The following NAT16 variants were observed in gnomAD, a reference collection of about 807,000 sequenced individuals.
NAT16 encodes probable N-acetyltransferase 16.
Under a neutral mutation model 15.9 loss-of-function variants are expected in NAT16, and 16 were observed. The ratio of observed to expected loss-of-function variants is 1.01; its 90% CI spans 0.68 to 1.53. The LOEUF is 1.53. Among genes scored for constraint, NAT16 ranks in the 40% most tolerant of loss-of-function variants. NAT16 has a pLI of 0.00. For synonymous variants in NAT16, 260 were observed against 241.9 expected (o/e 1.07, Z -0.69); for missense variants, 572 against 508.4 (o/e 1.13, Z -1.20).
Position 101,172,723 on chromosome 7 carries a change from G to T in NAT16, c.538-72C>A, listed in dbSNP as rs1021347897. On this transcript the variant is annotated intron_variant, in intron 3 of 3. Transcript: ENST00000300303. This position sits in a 1 kb window ranked among gnomAD's most constrained non-coding sequence, Gnocchi z 4.2. ...TGGCGAGCCCGGCGCCTCTCGGCAG[G>T]CATCTTCACTCCCACGTTCACGCCC... is the stretch of plus-strand genomic sequence containing the variant. 3 of 1,218,392 alleles carry T rather than the reference G, an allele frequency of 2.5e-6. No homozygotes were observed. The highest frequency in any genetic ancestry group is 3.2e-5 in the African/African-American group (2 of 61,952). The allele number at this position is 1,218,392 out of a possible 1,614,324, so 75.5% of individuals were successfully genotyped here.
chr7:101,174,255 C>T (rs1445064855), intron 2 of NAT16: 3 of 537,832 alleles, frequency 5.6e-6, no homozygotes, highest in African/African-American at 1.9e-5. Context: ...GGTGGATCCT[C>T]GAACTTTCAA....
rs34778981 is a variant in NAT16 at position 101,175,921 on chromosome 7, CAAA to C, written c.-4-1113_-4-1111del. Among the ~76,000 whole-genome samples the C allele has an allele frequency of 6.9e-3, 1,002 of 144,528 alleles. 4 individuals are homozygous for C. The highest frequency in any genetic ancestry group is 0.019 in the African/African-American group (733 of 39,062). The allele number at this position is 144,528 out of a possible 152,430, so 94.8% of individuals were successfully genotyped here. A position where few individuals can be genotyped will look rare whatever the true frequency, so the allele number is the denominator to read the frequency against. Reference sequence around the variant, plus strand: ...TGTGTGACAGAGAGAGAACCTGTGTCAAAAAAAAAAAAAAAGAGGCACACTCCT... The same window carrying C: ...TGTGTGACAGAGAGAGAACCTGTGTCAAAAAAAAAAAAGAGGCACACTCCT... On this transcript the variant is annotated intron_variant, in intron 1 of 3. Transcript: ENST00000300303.
rs778653283 is a variant in NAT16, at chr7:101,172,680, G to T, written c.538-29C>A. 1.0e-5 allele frequency: 15 copies of T among 1,440,158 alleles called. No homozygotes were observed. The highest frequency in any genetic ancestry group is 1.4e-5 in the South Asian group (1 of 71,608). The allele number at this position is 1,440,158 out of a possible 1,614,324, so 89.2% of individuals were successfully genotyped here. On this transcript the variant is annotated intron_variant, in intron 3 of 3. Transcript: ENST00000300303. This position sits in a 1 kb window ranked among gnomAD's most constrained non-coding sequence, Gnocchi z 4.2. ...CGGGGGGCACGAGTGAGCGCGGGGA[G>T]GGGGGGCGCAGCAGGGCTGGCGAGC...
chr7:101,173,549 C>A lies in NAT16; in HGVS notation c.313-29G>T, dbSNP rs769955282. The stretch of plus-strand genomic sequence containing the variant: ...CGGACCGAGGCCGTTAGCGCGGGGC[C>A]CTCCCCGCCTGCGCCCCTGCCAGGG... On this transcript the variant is annotated intron_variant, in intron 2 of 3. Coordinates refer to ENST00000300303, the MANE Select transcript of NAT16 (RefSeq NM_198571.3). 2.6e-6 allele frequency: 4 copies of A among 1,520,186 alleles called. No individual in the cohort carries two copies. The African/African-American group carries it at 5.5e-5, about 21-fold the overall frequency. 94.2% of individuals were successfully genotyped at this position (1,520,186 alleles called of 1,614,324 possible).
chr7:101,177,191 TCAGGTTCAACCCA>T, intron 1 of NAT16, among the ~76,000 whole-genome samples: 2 of 152,302 alleles, frequency 1.3e-5, no homozygotes, highest in South Asian at 4.1e-4. Context: ...TTAGAGACCA[TCAGGTTCAACCCA>T]TTCATTTCAT....
chr7:101,172,755 T>C lies in NAT16; in HGVS notation c.538-104A>G. ...CACTCCCACGTTCACGCCCACGGGC[T>C]CCCACCTGGGTCCCTCTGGAGGAGC... On this transcript the variant is annotated intron_variant, in intron 3 of 3. Coordinates refer to ENST00000300303, the MANE Select transcript of NAT16 (RefSeq NM_198571.3). The surrounding 1 kb of genome is among the most constrained non-coding windows in gnomAD (Gnocchi z 4.2). The C allele has an allele frequency of 1.0e-6, 1 of 957,780 alleles. No individual in the cohort carries two copies. Among genetic ancestry groups the C allele is most frequent in the East Asian group, 3.0e-5 (1 of 33,028 alleles). The allele number at this position is 957,780 out of a possible 1,614,324, so 59.3% of individuals were successfully genotyped here.
Position 101,171,350 on chromosome 7 carries a change from A to G in NAT16, c.*729T>C, listed in dbSNP as rs986241893. 83 of 152,378 alleles carry G rather than the reference A, an allele frequency of 5.4e-4. 1 individual carries two copies. The highest frequency in any genetic ancestry group is 1.7e-3 in the African/African-American group (70 of 41,568). 9.4% of individuals were successfully genotyped at this position (152,378 alleles called of 1,614,324 possible). ...CCAAATGGGGGAGCATTCTAAATACATTTCATTTTACAGTATCACTCTCTC... is the reference window on the plus strand; with the variant it reads ...CCAAATGGGGGAGCATTCTAAATACGTTTCATTTTACAGTATCACTCTCTC... On this transcript the variant is annotated 3_prime_UTR_variant, in exon 4 of 4. Coordinates refer to ENST00000300303, the MANE Select transcript of NAT16 (RefSeq NM_198571.3).
At chr7:101,173,768 G>T (rs1007175022) in intron 2 of NAT16, 5 of 520,838 alleles carry the variant, frequency 9.6e-6, no homozygotes, top group African/African-American at 8.1e-5. Context: ...TCCTCACCCA[G>T]GCTGGAGCGC....
rs374890698 is a variant in NAT16, at chr7:101,171,217, T to G, written c.*862A>C. 3.7e-3 allele frequency: 568 copies of G among 152,740 alleles called. 4 individuals carry two copies. The highest frequency in any genetic ancestry group is 0.015 in the South Asian group (75 of 4,890). 9.5% of individuals were successfully genotyped at this position (152,740 alleles called of 1,614,324 possible). On this transcript the variant is annotated 3_prime_UTR_variant, in exon 4 of 4. Coordinates refer to ENST00000300303, the MANE Select transcript of NAT16 (RefSeq NM_198571.3). ...CCACCACCACCCCGCCCGGCTCGGGTGAGCTGGGGCACGGGGGAGCCTGCG... is the reference window on the plus strand; with the variant it reads ...CCACCACCACCCCGCCCGGCTCGGGGGAGCTGGGGCACGGGGGAGCCTGCG...
At chr7:101,178,710 TAA>T (rs386410830) in intron 1 of NAT16, among the ~76,000 whole-genome samples, 216 of 72,778 alleles carry the variant, frequency 3.0e-3, no homozygotes, top group African/African-American at 0.011. Flanking sequence ...CTCTCTCTAC[TAA>T]AAAAAAAAAA....
chr7:101,178,161 A>G (rs765855551), intron 1 of NAT16, among the ~76,000 whole-genome samples: 1 of 152,170 alleles, frequency 6.6e-6, no homozygotes, highest in African/African-American at 2.4e-5. Context: ...TACGTCTCAG[A>G]TAAGGTTGTT....
At chr7:101,177,308 G>C (rs898902387) in intron 1 of NAT16, among the ~76,000 whole-genome samples, 1 of 152,110 alleles carries the variant, frequency 6.6e-6, no homozygotes, top group Non-Finnish European at 1.5e-5. Context: ...CCAGGGGGGA[G>C]ACCTCTTATT....
At position 101,172,963 on chromosome 7, in the gene NAT16, G is replaced by A. The variant is rs1797369537; in HGVS notation, c.538-312C>T. Among the ~76,000 whole-genome samples, 1 of 152,178 alleles carries A rather than the reference G, an allele frequency of 6.6e-6. No individual in the cohort carries two copies. The highest frequency in any genetic ancestry group is 2.4e-5 in the African/African-American group (1 of 41,454). ...CTCCAGGGACGTGAAAGCCAGGGAG[G>A]CCGATCAGTCAGTAGGATTGGGAGG... On this transcript the variant is annotated intron_variant, in intron 3 of 3. Transcript: ENST00000300303. This position sits in a 1 kb window ranked among gnomAD's most constrained non-coding sequence, Gnocchi z 4.2.
rs763762765 is a variant in NAT16, at chr7:101,173,515, C to T, written c.318G>A (p.Ala106=). 2 of 1,592,494 alleles carry T rather than the reference C, an allele frequency of 1.3e-6. No individual in the cohort carries two copies. Among genetic ancestry groups the T allele is most frequent in the Non-Finnish European group, 1.7e-6 (2 of 1,168,420 alleles). The change falls in exon 3 of 4, where the codon GCG becomes GCA. Residue 106 remains alanine, a synonymous_variant. Transcript: ENST00000300303. ...CGTCGATCACGTTCACCGACTCCAG[C>T]GCGATCTGCGGACCGAGGCCGTTAG... ...VLAKRNGGVI[A]LESVNVIDAG...
Position 101,174,605 on chromosome 7 carries a change from G to A in NAT16, c.203C>T (p.Ala68Val), listed in dbSNP as rs748166096. Reference protein sequence around the residue: ...ATEREFEEVLAISGGIYGGLD... With the variant: ...ATEREFEEVLVISGGIYGGLD... ...GCCGCCGTAGATGCCCCCCGAGATG[G>A]CCAGCACTTCCTCAAACTCCCGTTC... Residue 68 changes from alanine to valine, a missense_variant, in exon 2 of 4, where the codon GCC becomes GTC. Coordinates refer to ENST00000300303, the MANE Select transcript of NAT16 (RefSeq NM_198571.3). 2 of 1,614,182 alleles carry A rather than the reference G, an allele frequency of 1.2e-6. No individual in the cohort carries two copies. The highest frequency in any genetic ancestry group is 1.7e-6 in the Non-Finnish European group (2 of 1,180,036).
chr7:101,173,534 CCG>C lies in NAT16; in HGVS notation c.313-16_313-15del, dbSNP rs1797393039. ...CTCCAGCGCGATCTGCGGACCGAGG[CCG>C]TTAGCGCGGGGCCCTCCCCGCCTGC... On this transcript the variant is annotated splice_polypyrimidine_tract_variant and intron_variant, in intron 2 of 3. Transcript: ENST00000300303. 1 of 1,560,522 alleles carries C rather than the reference CCG, an allele frequency of 6.4e-7. No homozygotes were observed. The highest frequency in any genetic ancestry group is 1.8e-5 in the Admixed American group (1 of 55,924).
intron 3 of NAT16, 51 bp downstream of exon 3, chr7:101,173,245 C>A: frequency 6.6e-7 from 1 of 1,505,130 alleles, no homozygotes; most frequent in Non-Finnish European, 9.2e-7. Context: ...AGGGTCTCCC[C>A]ATATGCCCCA....
rs747798564 is a variant in NAT16 at position 101,173,392 on chromosome 7, G to T, written c.441C>A (p.Val147=). The T allele has an allele frequency of 7.4e-6, 12 of 1,613,810 alleles. No homozygotes were observed. Among genetic ancestry groups the T allele is most frequent in the Non-Finnish European group, 2.5e-6 (3 of 1,179,934 alleles). ...GLLQRFCSQL[V]KRQHPGVKVA... ...CCTTGACCCCCGGGTGCTGTCTCTTGACCAGCTGCGAGCAGAAGCGCTGCA... is the reference window on the plus strand; with the variant it reads ...CCTTGACCCCCGGGTGCTGTCTCTTTACCAGCTGCGAGCAGAAGCGCTGCA... The change falls in exon 3 of 4, where the codon GTC becomes GTA. Residue 147 remains valine (V), a synonymous_variant. Coordinates refer to ENST00000300303, the MANE Select transcript of NAT16 (RefSeq NM_198571.3).
chr7:101,174,913 C>A, intron 1 of NAT16, 102 bp from the exon 2 acceptor site: 2 of 1,268,708 alleles, frequency 1.6e-6, no homozygotes, highest in Non-Finnish European at 2.0e-6. Flanking sequence ...ACACAAATAG[C>A]CTTTCTTTTT....
Sources: allele counts gnomAD v4.1 joint callset (sites outside exome capture counted in the v4.1 genomes callset), GRCh38; gene constraint gnomAD v4.1.1; non-coding constraint Gnocchi (gnomAD v3.1); transcripts MANE v1.5; gene names NCBI Gene and HGNC (gene_info 2026-07-23, HGNC 2026-07-21).